ITGBL1: variants seen among roughly 807,000 people sequenced by gnomAD.
The protein encoded by ITGBL1 is integrin beta-like protein 1.
Under a neutral mutation model 68.5 loss-of-function variants are expected in ITGBL1, and 51 were observed. The observed-to-expected ratio is 0.74, with a 90% CI of 0.59 to 0.94. The LOEUF (loss-of-function observed/expected upper bound fraction) is 0.94, where lower values mean the gene tolerates loss of function less well. ITGBL1 is among the 40% of genes least tolerant of loss of function. The probability of loss-of-function intolerance (pLI) is 0.00; values close to 1 mark genes in which losing one functional copy is unlikely to be tolerated. For synonymous variants in ITGBL1, 209 were observed against 227.3 expected (o/e 0.92, Z 0.72); for missense variants, 649 against 647.4 (o/e 1.00, Z -0.03).
chr13:101,576,101 A>G (rs965753543), intron 4 of ITGBL1, among the ~76,000 whole-genome samples: 6 of 152,180 alleles, frequency 3.9e-5, no homozygotes, highest in Non-Finnish European at 8.8e-5. Flanking sequence ...AAATTCTGCA[A>G]TAAGTGCTTT....
chr13:101,600,212 G>A (rs1594918247), intron 7 of ITGBL1, among the ~76,000 whole-genome samples: 1 of 152,064 alleles, frequency 6.6e-6, no homozygotes, highest in Admixed American at 6.6e-5. Flanking sequence ...GTGAATGGGA[G>A]TTCACTCATG....
At chr13:101,555,313 G>A (rs1350824133) in intron 2 of ITGBL1, among the ~76,000 whole-genome samples, 1 of 151,862 alleles carries the variant, frequency 6.6e-6, no homozygotes, top group Non-Finnish European at 1.5e-5. Context: ...CACATAAAAT[G>A]TACAAAATAA....
intron 7 of ITGBL1, among the ~76,000 whole-genome samples, chr13:101,614,396 T>C (rs562714076): frequency 6.6e-6 from 1 of 152,318 alleles, no homozygotes; most frequent in African/African-American, 2.4e-5. Context: ...TTTTCCATGT[T>C]GTCTTTTTTC....
intron 7 of ITGBL1, among the ~76,000 whole-genome samples, chr13:101,685,731 T>A (rs551975380): frequency 2.5e-4 from 38 of 151,882 alleles, no homozygotes; most frequent in Middle Eastern, 3.4e-3. Flanking sequence ...TGTAAGACAG[T>A]TGTTTAATCC....
intron 7 of ITGBL1, among the ~76,000 whole-genome samples, chr13:101,622,911 A>ATGTGTGTGTGTGTGTGTGTGTG: frequency 8.7e-6 from 1 of 115,044 alleles, no homozygotes; most frequent in Admixed American, 8.0e-5. Flanking sequence ...TGTGTGGGGT[A>ATGTGTGTGTGTGTGTGTGTGTG]TGTATGTGTG....
intron 7 of ITGBL1, among the ~76,000 whole-genome samples, chr13:101,605,012 G>A (rs371113060): frequency 0.02 from 651 of 32,038 alleles, 5 homozygotes; most frequent in African/African-American, 0.047. Context: ...ACATATATGC[G>A]TATATGTGTA....
intron 9 of ITGBL1, 120 bp from the exon 10 acceptor site, chr13:101,714,318 A>G (rs2034616990): frequency 1.4e-6 from 1 of 702,268 alleles, no homozygotes; most frequent in East Asian, 2.5e-5. Flanking sequence ...CATTCAATAC[A>G]CTTTTACCTT....
At position 101,520,143 on chromosome 13, in the gene ITGBL1, C is replaced by T. The variant is rs112108140; in HGVS notation, c.317-47556C>T. On this transcript the variant is annotated intron_variant, in intron 2 of 10. Coordinates refer to ENST00000376180, the MANE Select transcript of ITGBL1 (RefSeq NM_004791.3). ...GTACTCAAGTTCCTGTCTTCTTTTCCATCTACTTCTCTTTCTGTGTTATCA... is the reference window on the plus strand; with the variant it reads ...GTACTCAAGTTCCTGTCTTCTTTTCTATCTACTTCTCTTTCTGTGTTATCA... 4.8e-3 allele frequency among the ~76,000 whole-genome samples: 735 copies of T among 152,164 alleles called. 4 individuals carry two copies. Among genetic ancestry groups the T allele is most frequent in the African/African-American group, 0.017 (696 of 41,514 alleles).
chr13:101,602,259 A>G (rs1429039753), intron 7 of ITGBL1, among the ~76,000 whole-genome samples: 1 of 152,086 alleles, frequency 6.6e-6, no homozygotes, highest in Non-Finnish European at 1.5e-5. Flanking sequence ...ACAAATAGCT[A>G]TGAATAAGCT....
chr13:101,464,718 T>G (rs2139629978), intron 2 of ITGBL1, among the ~76,000 whole-genome samples: 1 of 152,296 alleles, frequency 6.6e-6, no homozygotes, highest in Non-Finnish European at 1.5e-5. Context: ...ACCCTAATTT[T>G]ATACACATAC....
intron 7 of ITGBL1, among the ~76,000 whole-genome samples, chr13:101,635,453 C>T (rs2032140168): frequency 6.6e-6 from 1 of 151,930 alleles, no homozygotes; most frequent in Admixed American, 6.6e-5. Flanking sequence ...TCATGCTAGT[C>T]ATAGATATTA....
intron 6 of ITGBL1, among the ~76,000 whole-genome samples, chr13:101,587,111 G>A (rs371914918): frequency 4.6e-5 from 7 of 151,984 alleles, no homozygotes; most frequent in Non-Finnish European, 7.4e-5. Context: ...GTCTCTGGAC[G>A]GATTAGTTTA....
intron 8 of ITGBL1, among the ~76,000 whole-genome samples, chr13:101,705,619 AAAAG>A (rs1467129160): frequency 6.6e-6 from 1 of 152,148 alleles, no homozygotes; most frequent in Non-Finnish European, 1.5e-5. Flanking sequence ...TCCTAAAAAA[AAAAG>A]AAAAAATAAT....
At chr13:101,705,292 CAAA>C (rs66461824) in intron 8 of ITGBL1, among the ~76,000 whole-genome samples, 1 of 105,026 alleles carries the variant, frequency 9.5e-6, no homozygotes. Context: ...ATTTAAAAAG[CAAA>C]AAAAAAAAAA....
intron 7 of ITGBL1, among the ~76,000 whole-genome samples, chr13:101,630,452 T>A (rs567667268): frequency 8.5e-5 from 13 of 152,300 alleles, no homozygotes; most frequent in Non-Finnish European, 1.6e-4. Context: ...ATGATGTGAA[T>A]CTCTTAATTG....
At position 101,497,922 on chromosome 13, in the gene ITGBL1, A is replaced by G. The variant is rs559311320; in HGVS notation, c.316+43822A>G. 2.0e-5 allele frequency among the ~76,000 whole-genome samples: 3 copies of G among 151,984 alleles called. No homozygotes were observed. The East Asian group carries it at 5.8e-4, about 29-fold the overall frequency. On this transcript the variant is annotated intron_variant, in intron 2 of 10. Transcript: ENST00000376180. Reference sequence around the variant, plus strand: ...TCTCTGCTCTTGGATTCAAAGATGAATGTTCCTTCCACACAGTTTAATACG... The same window carrying G: ...TCTCTGCTCTTGGATTCAAAGATGAGTGTTCCTTCCACACAGTTTAATACG...
At chr13:101,502,499 G>A (rs1020097974) in intron 2 of ITGBL1, among the ~76,000 whole-genome samples, 9 of 152,128 alleles carry the variant, frequency 5.9e-5, no homozygotes, top group Non-Finnish European at 1.3e-4. Flanking sequence ...ATTCAGAATG[G>A]TCTCTTAGGT....
chr13:101,455,244 A>C (rs1457546682), intron 2 of ITGBL1, among the ~76,000 whole-genome samples: 5 of 152,262 alleles, frequency 3.3e-5, no homozygotes, highest in African/African-American at 4.8e-5. Context: ...ACCTGGGCCC[A>C]GTAGTGTATA....
intron 7 of ITGBL1, among the ~76,000 whole-genome samples, chr13:101,619,449 A>T (rs2031498258): frequency 1.3e-5 from 2 of 152,130 alleles, no homozygotes; most frequent in Non-Finnish European, 2.9e-5. Flanking sequence ...GAGAAAGGGG[A>T]CCAAGAGCCA....
Sources: gnomAD v4.1 joint callset for allele counts (sites outside exome capture counted in the v4.1 genomes callset) on GRCh38, gnomAD v4.1.1 for gene constraint, MANE v1.5 for transcripts, NCBI Gene and HGNC (gene_info 2026-07-23, HGNC 2026-07-21) for gene names.